RBFOX1: variants seen among roughly 807,000 people sequenced by gnomAD.
RBFOX1 encodes RNA binding protein fox-1 homolog 1.
A neutral mutation model predicts 57.7 loss-of-function variants in RBFOX1; 8 were observed. The observed-to-expected ratio is 0.14, with a 90% CI of 0.08 to 0.25. RBFOX1 has a LOEUF of 0.25. Among genes scored for constraint, RBFOX1 ranks in the 10% least tolerant of loss-of-function variants. RBFOX1 has a pLI of 1.00. For synonymous variants in RBFOX1, 326 were observed against 222.4 expected (o/e 1.47, Z -4.15); for missense variants, 611 against 548.5 (o/e 1.11, Z -1.14).
chr16:6,495,310 G>A lies in RBFOX1; in HGVS notation c.-63-159293G>A, dbSNP rs187991652. 4.3e-3 allele frequency among the ~76,000 whole-genome samples: 647 copies of A among 152,178 alleles called. 2 individuals carry two copies. The highest frequency in any genetic ancestry group is 7.0e-3 in the Non-Finnish European group (479 of 68,002). ...ATTTTTGTATTCTTAGTAGAGATGG[G>A]GTTTCACCATGTTTTCCAGGCTGGT... is the stretch of plus-strand genomic sequence containing the variant. On this transcript the variant is annotated intron_variant, in intron 2 of 15. Transcript: ENST00000550418.
intron 1 of RBFOX1, among the ~76,000 whole-genome samples, chr16:6,179,486 C>G (rs72774576): frequency 0.034 from 5,186 of 152,220 alleles, 135 homozygotes; most frequent in Admixed American, 0.076. Context: ...CATAGATCAT[C>G]TTCTGGGGGC....
intron 2 of RBFOX1, among the ~76,000 whole-genome samples, chr16:5,498,300 G>C (rs919957778): frequency 6.6e-6 from 1 of 152,000 alleles, no homozygotes; most frequent in African/African-American, 2.4e-5. Flanking sequence ...GCACTACCAC[G>C]CCCAGCTAAT....
At chr16:6,679,018 A>T (rs561544084) in intron 3 of RBFOX1, among the ~76,000 whole-genome samples, 5 of 152,212 alleles carry the variant, frequency 3.3e-5, no homozygotes, top group Admixed American at 6.5e-5. Flanking sequence ...TGTCAAAGAG[A>T]TCGACTCTGC....
chr16:5,465,361 A>T (rs535752083), intron 1 of RBFOX1, among the ~76,000 whole-genome samples: 2 of 152,138 alleles, frequency 1.3e-5, no homozygotes, highest in Non-Finnish European at 2.9e-5. Context: ...TAACAGCCTC[A>T]TTTTAATTTA....
intron 4 of RBFOX1, among the ~76,000 whole-genome samples, chr16:7,209,007 C>T (rs1432539367): frequency 6.6e-6 from 1 of 152,002 alleles, no homozygotes; most frequent in Non-Finnish European, 1.5e-5. Context: ...CCAAAATTTC[C>T]TTTTCAGCTG....
chr16:6,833,754 G>C (rs973339648), intron 3 of RBFOX1, among the ~76,000 whole-genome samples: 1 of 152,128 alleles, frequency 6.6e-6, no homozygotes, highest in African/African-American at 2.4e-5. Flanking sequence ...GAATTAATTT[G>C]GATGGGAAGG....
At chr16:6,928,038 T>C (rs780275049) in intron 3 of RBFOX1, among the ~76,000 whole-genome samples, 8 of 152,270 alleles carry the variant, frequency 5.3e-5, no homozygotes, top group East Asian at 1.9e-4. Context: ...TCTAGATTTA[T>C]AATTTCCCCA....
chr16:5,418,028 C>A (rs549217437), intron 1 of RBFOX1, among the ~76,000 whole-genome samples: 1 of 152,246 alleles, frequency 6.6e-6, no homozygotes, highest in African/African-American at 2.4e-5. Context: ...TTGCACTGAG[C>A]TGAGATTACT....
At chr16:5,629,694 C>G (rs918913500) in intron 3 of RBFOX1, among the ~76,000 whole-genome samples, 1 of 152,184 alleles carries the variant, frequency 6.6e-6, no homozygotes, top group Admixed American at 6.5e-5. Flanking sequence ...GCTTACCTCC[C>G]TTCCTTTCAG....
intron 2 of RBFOX1, among the ~76,000 whole-genome samples, chr16:6,610,920 T>C (rs1217175798): frequency 1.3e-5 from 2 of 152,190 alleles, no homozygotes; most frequent in African/African-American, 2.4e-5. Context: ...TCTTAATATA[T>C]AGTAGACCAT....
chr16:6,842,440 C>G (rs1054157967), intron 3 of RBFOX1, among the ~76,000 whole-genome samples: 2 of 151,958 alleles, frequency 1.3e-5, no homozygotes, highest in South Asian at 4.1e-4. Context: ...CTTTGCTGAC[C>G]TTGCTCTATA....
rs59873374 is a variant in RBFOX1 at position 5,544,951 on chromosome 16, C to CTT, written c.259-53909_259-53908dup. 7.2e-4 allele frequency among the ~76,000 whole-genome samples: 89 copies of CTT among 124,404 alleles called. 2 individuals are homozygous for CTT. Among genetic ancestry groups the CTT allele is most frequent in the Non-Finnish European group, 8.5e-4 (52 of 60,996 alleles). The allele number at this position is 124,404 out of a possible 152,430, so 81.6% of individuals were successfully genotyped here. A position where few individuals can be genotyped will look rare whatever the true frequency, so the allele number is the denominator to read the frequency against. ...GTATAGATGGCCTTACTATTACATTCTTTTTTTTTTTTTTTTTTTTTTTTT... is the reference window on the plus strand; with the variant it reads ...GTATAGATGGCCTTACTATTACATTCTTTTTTTTTTTTTTTTTTTTTTTTTTT... On this transcript the variant is annotated intron_variant, in intron 2 of 2. Coordinates refer to the RBFOX1 transcript ENST00000585867.
chr16:5,685,240 A>G (rs1188596847), intron 3 of RBFOX1, among the ~76,000 whole-genome samples: 1 of 152,198 alleles, frequency 6.6e-6, no homozygotes, highest in East Asian at 1.9e-4. Flanking sequence ...TTTTGATAGG[A>G]CATCCAGAAA....
intron 4 of RBFOX1, among the ~76,000 whole-genome samples, chr16:7,293,983 A>C (rs1340975846): frequency 6.6e-6 from 1 of 152,176 alleles, no homozygotes; most frequent in African/African-American, 2.4e-5. Context: ...GCTTAATGAC[A>C]ACTCATCTTG....
chr16:6,577,069 C>G (rs1226359337), intron 2 of RBFOX1: 1 of 152,174 alleles, frequency 6.6e-6, no homozygotes, highest in Non-Finnish European at 1.5e-5. Flanking sequence ...TGGGATGCTC[C>G]AAACTTCTTT....
intron 4 of RBFOX1, among the ~76,000 whole-genome samples, chr16:5,991,645 G>GTTTTTTTTTTTTTTTTTTTTT (rs60004233): frequency 1.6e-5 from 2 of 123,934 alleles, no homozygotes. Flanking sequence ...TTATTAGATA[G>GTTTTTTTTTTTTTTTTTTTTT]TTTTTTTTTT....
chr16:6,827,293 C>A (rs2092276104), intron 3 of RBFOX1, among the ~76,000 whole-genome samples: 1 of 152,094 alleles, frequency 6.6e-6, no homozygotes, highest in African/African-American at 2.4e-5. Flanking sequence ...TGCTGTCCTC[C>A]AAACCAGGCG....
chr16:7,137,493 T>C (rs1227276259), intron 4 of RBFOX1, among the ~76,000 whole-genome samples: 1 of 152,200 alleles, frequency 6.6e-6, no homozygotes, highest in Admixed American at 6.5e-5. Flanking sequence ...CCGCTGCCAA[T>C]GTAAGGAGTA....
At chr16:5,349,956 T>G (rs1289329139) in intron 1 of RBFOX1, among the ~76,000 whole-genome samples, 1 of 152,208 alleles carries the variant, frequency 6.6e-6, no homozygotes, top group Non-Finnish European at 1.5e-5. Context: ...TTCTCACTCC[T>G]CTATAATTAC....
Sources: allele counts gnomAD v4.1 joint callset (sites outside exome capture counted in the v4.1 genomes callset), GRCh38; gene constraint gnomAD v4.1.1; transcripts MANE v1.5; gene names NCBI Gene and HGNC (gene_info 2026-07-23, HGNC 2026-07-21).